Variants in RBFOX3 observed in about 807,000 individuals in gnomAD.
The protein encoded by RBFOX3 is RNA binding fox-1 homolog 3.
Under a neutral mutation model 48.7 loss-of-function variants are expected in RBFOX3, and 17 were observed. That is an observed-to-expected ratio of 0.35 (90% CI 0.24 to 0.52). The LOEUF (loss-of-function observed/expected upper bound fraction) is 0.52. Ranked by LOEUF, RBFOX3 falls within the 20% of genes least tolerant of loss-of-function variation. RBFOX3 has a pLI of 0.94. For missense variants in RBFOX3, 382 were observed against 497.5 expected (o/e 0.77, Z 2.21); for synonymous variants, 212 against 209.5 (o/e 1.01, Z -0.10).
Position 79,363,222 on chromosome 17 carries a change from G to A in RBFOX3, c.-174-55398C>T, listed in dbSNP as rs1024602159. ...GCCAGGGGTTCTGTAGTGCCAGCAA[G>A]GCTGATGCACAGAGAGGGGACATGG... is the stretch of plus-strand genomic sequence containing the variant. On this transcript the variant is annotated intron_variant, in intron 2 of 14. Coordinates refer to ENST00000693108, the MANE Select transcript of RBFOX3 (RefSeq NM_001350451.2). This position sits in a 1 kb window ranked among gnomAD's most constrained non-coding sequence, Gnocchi z 4.7. 1.3e-5 allele frequency among the ~76,000 whole-genome samples: 2 copies of A among 152,172 alleles called. No homozygotes were observed. Among genetic ancestry groups the A allele is most frequent in the African/African-American group, 2.4e-5 (1 of 41,438 alleles).
rs1017481882 is a variant in RBFOX3, at chr17:79,588,767, C to T, written c.-320+22059G>A. On this transcript the variant is annotated intron_variant, in intron 1 of 14. Coordinates refer to ENST00000693108, the MANE Select transcript of RBFOX3 (RefSeq NM_001350451.2). ...GGACCTGGGCCATATAGCGAGATCCCGTCCTGAGCTTGGACCTGGGCCATA... is the reference window on the plus strand; with the variant it reads ...GGACCTGGGCCATATAGCGAGATCCTGTCCTGAGCTTGGACCTGGGCCATA... Among the ~76,000 whole-genome samples the T allele has an allele frequency of 9.6e-5, 14 of 146,090 alleles. No individual in the cohort carries two copies. In the East Asian group the frequency reaches 3.7e-3, roughly 39 times the overall value.
chr17:79,427,383 A>G (rs2067583906), intron 2 of RBFOX3, among the ~76,000 whole-genome samples: 1 of 152,318 alleles, frequency 6.6e-6, no homozygotes, highest in East Asian at 1.9e-4. Flanking sequence ...GCTGGCGGGA[A>G]GCACCCCTGT....
At chr17:79,503,324 T>A (rs1446201932) in intron 1 of RBFOX3, among the ~76,000 whole-genome samples, 2 of 152,324 alleles carry the variant, frequency 1.3e-5, no homozygotes, top group Non-Finnish European at 2.9e-5. Context: ...CCAGTCTCCC[T>A]CTGCCCCGGA....
intron 2 of RBFOX3, among the ~76,000 whole-genome samples, chr17:79,372,504 C>T (rs751512532): frequency 6.6e-6 from 1 of 151,604 alleles, no homozygotes; most frequent in Non-Finnish European, 1.5e-5. Context: ...GTGATGGATG[C>T]TCCCAAGGCC....
At chr17:79,469,652 C>T (rs1380039647) in intron 2 of RBFOX3, among the ~76,000 whole-genome samples, 2 of 152,276 alleles carry the variant, frequency 1.3e-5, no homozygotes, top group Non-Finnish European at 2.9e-5. Context: ...CAGCTGCACA[C>T]AACTGGATGT....
At chr17:79,486,482 G>T (rs907907010) in intron 1 of RBFOX3, among the ~76,000 whole-genome samples, 1 of 152,250 alleles carries the variant, frequency 6.6e-6, no homozygotes, top group South Asian at 2.1e-4. Flanking sequence ...CTTCTGGGAG[G>T]TCAGTTGGGG....
chr17:79,353,649 T>TG (rs568309929), intron 2 of RBFOX3, among the ~76,000 whole-genome samples: 171 of 152,324 alleles, frequency 1.1e-3, no homozygotes, highest in African/African-American at 3.9e-3. Flanking sequence ...CACGTGATTC[T>TG]GCACGTGGCC....
At chr17:79,097,610 A>G (rs1599398685) in intron 10 of RBFOX3, 82 bp downstream of exon 10, 18 of 1,015,788 alleles carry the variant, frequency 1.8e-5, no homozygotes, top group African/African-American at 2.4e-5. Flanking sequence ...CCCGCCCCTC[A>G]TGCCCCGCCC....
intron 2 of RBFOX3, among the ~76,000 whole-genome samples, chr17:79,325,870 G>C (rs2079227105): frequency 6.6e-6 from 1 of 152,166 alleles, no homozygotes; most frequent in Non-Finnish European, 1.5e-5. Flanking sequence ...TGCAGAAAAA[G>C]GAGCCTCCTA....
At chr17:79,607,961 C>A (rs986499960) in intron 1 of RBFOX3, among the ~76,000 whole-genome samples, 135 of 152,322 alleles carry the variant, frequency 8.9e-4, no homozygotes, top group African/African-American at 3.1e-3. Context: ...AGGAGGCCTC[C>A]TTGCTGTAAT....
At chr17:79,333,204 G>A (rs565681199) in intron 2 of RBFOX3, among the ~76,000 whole-genome samples, 16 of 152,230 alleles carry the variant, frequency 1.1e-4, no homozygotes, top group South Asian at 6.2e-4. Context: ...ACATTTACAC[G>A]CAGCAGACCA....
chr17:79,337,793 G>A (rs765138979), intron 2 of RBFOX3, among the ~76,000 whole-genome samples: 4 of 151,996 alleles, frequency 2.6e-5, no homozygotes, highest in Admixed American at 2.6e-4. Context: ...AAAAAGAAAA[G>A]AAAATACAGT....
intron 2 of RBFOX3, among the ~76,000 whole-genome samples, chr17:79,436,907 C>G (rs1051050518): frequency 1.3e-5 from 2 of 152,134 alleles, no homozygotes; most frequent in African/African-American, 4.8e-5. Flanking sequence ...CCTGGTGATG[C>G]TTTGACCTCT....
At chr17:79,661,760 T>A in the RBFOX3 span, among the ~76,000 whole-genome samples, 1 of 152,224 alleles carries the variant, frequency 6.6e-6, no homozygotes, top group Non-Finnish European at 1.5e-5. Flanking sequence ...CTAGCAACCC[T>A]TAGGACTGGC....
intron 2 of RBFOX3, among the ~76,000 whole-genome samples, chr17:79,455,112 C>T (rs571332953): frequency 6.6e-6 from 1 of 151,862 alleles, no homozygotes; most frequent in Admixed American, 6.6e-5. Flanking sequence ...ACGGGGTGTG[C>T]ACAGGCCCGG....
chr17:79,294,237 C>T (rs1310638258), intron 3 of RBFOX3, among the ~76,000 whole-genome samples: 1 of 152,308 alleles, frequency 6.6e-6, no homozygotes, highest in Middle Eastern at 3.4e-3. Context: ...AGAGCAAGTT[C>T]GTCAGATTAG....
chr17:79,630,531 G>A, the RBFOX3 span, among the ~76,000 whole-genome samples: 6 of 152,084 alleles, frequency 3.9e-5, no homozygotes, highest in Non-Finnish European at 7.3e-5. Flanking sequence ...TGGGTTTGCC[G>A]GTATCAGGAT....
intron 4 of RBFOX3, among the ~76,000 whole-genome samples, chr17:79,230,467 G>A (rs967507064): frequency 1.3e-5 from 2 of 151,624 alleles, no homozygotes; most frequent in Non-Finnish European, 2.9e-5. Context: ...CACCATGTTG[G>A]CCAGGCTGGT....
chr17:79,335,752 C>T (rs1172150954), intron 2 of RBFOX3, among the ~76,000 whole-genome samples: 3 of 152,204 alleles, frequency 2.0e-5, no homozygotes, highest in African/African-American at 7.2e-5. Context: ...CCTCCAGGCC[C>T]CACTTGCTCC....
Sources: gnomAD v4.1 joint callset for allele counts (sites outside exome capture counted in the v4.1 genomes callset) on GRCh38, gnomAD v4.1.1 for gene constraint, Gnocchi (gnomAD v3.1) non-coding constraint, MANE v1.5 for transcripts, NCBI Gene and HGNC (gene_info 2026-07-23, HGNC 2026-07-21) for gene names.